The following LOXL3 variants were observed in gnomAD, a reference collection of about 807,000 sequenced individuals.
LOXL3 encodes the protein lysyl oxidase like 3.
In LOXL3, 60 loss-of-function variants were observed where a neutral mutation model predicts 91.8. The observed-to-expected ratio is 0.65, with a 90% CI of 0.53 to 0.81. The LOEUF is 0.81. LOXL3 is among the 30% of genes least tolerant of loss of function. The pLI is 0.00. For synonymous variants in LOXL3, 355 were observed against 387.6 expected (o/e 0.92, Z 0.99); for missense variants, 874 against 1,000.4 (o/e 0.87, Z 1.70).
In LOXL3 at chr2:74,549,596, C is replaced by T; in HGVS notation, c.478-13G>A. 3 of 1,595,862 alleles carry T rather than the reference C, an allele frequency of 1.9e-6. No homozygotes were observed. Among genetic ancestry groups the T allele is most frequent in the South Asian group, 2.2e-5 (2 of 89,694 alleles). The stretch of plus-strand genomic sequence containing the variant: ...GGTGATGCTCTACCTGGGGGCGGGG[C>T]CACAAGCAGGGAAAGAATCCCAGTG... On this transcript the variant is annotated splice_polypyrimidine_tract_variant and intron_variant, in intron 3 of 13. Transcript: ENST00000264094. This position sits in a 1 kb window ranked among gnomAD's most constrained non-coding sequence, Gnocchi z 5.3.
chr2:74,552,729 A>C, intron 1 of LOXL3, 83 bp from the exon 2 acceptor site: 1 of 1,222,006 alleles, frequency 8.2e-7, no homozygotes, highest in Non-Finnish European at 1.1e-6. Context: ...GAAGTCACGA[A>C]AGAAAAACAG....
In LOXL3 at chr2:74,534,791, AG is replaced by A; in HGVS notation, c.1580-18del. ...CTGATGCAGCTGCACCAAGAAAGGA[AG>A]GGGGTGTTAGAAGTCACTGCTGACT... On this transcript the variant is annotated intron_variant, in intron 9 of 13. Coordinates refer to ENST00000264094, the MANE Select transcript of LOXL3 (RefSeq NM_032603.5). The A allele has an allele frequency of 6.2e-7, 1 of 1,605,862 alleles. No homozygotes were observed. Among genetic ancestry groups the A allele is most frequent in the Admixed American group, 1.7e-5 (1 of 59,912 alleles).
chr2:74,554,246 GC>G, upstream of LOXL3: 1 of 155,978 alleles, frequency 6.4e-6, no homozygotes. This position sits in a 1 kb window ranked among gnomAD's most constrained non-coding sequence, Gnocchi z 4.9. Context: ...CGGCGGGGCG[GC>G]CCCGGTGGTG....
rs182997500 is a variant in LOXL3, at chr2:74,537,157, G to A, written c.693-229C>T. Among the ~76,000 whole-genome samples the A allele has an allele frequency of 8.5e-5, 13 of 152,328 alleles. No homozygotes were observed. In the East Asian group the frequency reaches 1.4e-3, roughly 16 times the overall value. ...ATAGGAGGGGCCTTGGGGACCTCCT[G>A]CAGTAGAACAACCTTAAGAGAAGGA... On this transcript the variant is annotated intron_variant, in intron 4 of 13. Transcript: ENST00000264094.
intron 2 of LOXL3, 135 bp from the exon 3 acceptor site, chr2:74,550,483 T>G: frequency 1.1e-6 from 1 of 950,184 alleles, no homozygotes; most frequent in South Asian, 1.7e-5. Context: ...TGATAAGGGG[T>G]GGAGACGGGA....
In LOXL3 at chr2:74,532,297, T is replaced by G. The variant is rs1458472361; in HGVS notation, c.*1309A>C. On this transcript the variant is annotated 3_prime_UTR_variant, in exon 14 of 14. Transcript: ENST00000264094. ...GTTTTTTATTTATGCTGTTCTTGTTTTATATGGTTAATATCAGATCCATCC... is the reference window on the plus strand; with the variant it reads ...GTTTTTTATTTATGCTGTTCTTGTTGTATATGGTTAATATCAGATCCATCC... The G allele has an allele frequency of 6.3e-6, 3 of 476,692 alleles. No homozygotes were observed. The highest frequency in any genetic ancestry group is 5.9e-5 in the African/African-American group (3 of 51,130). 29.5% of individuals were successfully genotyped at this position (476,692 alleles called of 1,614,324 possible). A position where few individuals can be genotyped will look rare whatever the true frequency, so the allele number is the denominator to read the frequency against.
At chr2:74,542,004 C>G (rs112214052) in intron 4 of LOXL3, among the ~76,000 whole-genome samples, 4,247 of 151,764 alleles carry the variant, frequency 0.028, 182 homozygotes, top group African/African-American at 0.097. Context: ...ACATAAAAAC[C>G]TATGTAGGCC....
chr2:74,554,749 G>T (rs1254490236), upstream of LOXL3: 1 of 1,612,206 alleles, frequency 6.2e-7, no homozygotes, highest in Non-Finnish European at 8.5e-7. This position sits in a 1 kb window ranked among gnomAD's most constrained non-coding sequence, Gnocchi z 4.9. Context: ...GGAACCGCCG[G>T]GGGCCATGGA....
rs1203038187 is a variant in LOXL3 at position 74,533,950 on chromosome 2, G to A, written c.2120C>T (p.Thr707Ile). The A allele has an allele frequency of 1.9e-6, 3 of 1,614,008 alleles. No individual in the cohort carries two copies. In the Admixed American group the frequency reaches 5.0e-5, roughly 27 times the overall value. ...PNFEVAESDF[T>I]NNAMKCNCKY... ...GCAGTTACATTTCATTGCATTGTTG[G>A]TAAAGTCACTCTCTGCTACTTCAAA... Residue 707 changes from threonine to isoleucine, a missense_variant, in exon 13 of 14, where the codon ACC (threonine) becomes ATC (isoleucine). Physicochemically the swap from Thr to Ile is moderately conservative, Grantham distance 89 (BLOSUM62 -1). Coordinates refer to ENST00000264094, the MANE Select transcript of LOXL3 (RefSeq NM_032603.5).
intron 4 of LOXL3, among the ~76,000 whole-genome samples, chr2:74,547,916 C>A (rs1260517151): frequency 3.9e-5 from 6 of 152,234 alleles, no homozygotes; most frequent in Middle Eastern, 3.4e-3. Flanking sequence ...TGGATTTTAT[C>A]AAAAACTAAC....
At chr2:74,538,588 C>A (rs563254249) in intron 4 of LOXL3, among the ~76,000 whole-genome samples, 80 of 152,284 alleles carry the variant, frequency 5.3e-4, no homozygotes, top group African/African-American at 1.7e-3. Flanking sequence ...AATTAGGGAA[C>A]TGGGAGCCTA....
At chr2:74,554,526 T>A, upstream of LOXL3, 1 of 572,334 alleles carries the variant, frequency 1.7e-6, no homozygotes, top group South Asian at 2.1e-5. This position sits in a 1 kb window ranked among gnomAD's most constrained non-coding sequence, Gnocchi z 4.9. Context: ...GTGGAGCCAC[T>A]GGCGCGCCCC....
chr2:74,553,492 C>T (rs573887695), intron 1 of LOXL3, among the ~76,000 whole-genome samples: 14 of 152,318 alleles, frequency 9.2e-5, no homozygotes, highest in Admixed American at 3.3e-4. Context: ...AGGCCAGGCG[C>T]TATGGCTCCT....
At chr2:74,545,714 C>T (rs1455559024) in intron 4 of LOXL3, among the ~76,000 whole-genome samples, 2 of 152,158 alleles carry the variant, frequency 1.3e-5, no homozygotes, top group East Asian at 3.8e-4. Flanking sequence ...GGTTTTCTTC[C>T]TACCTCACCT....
upstream of LOXL3, chr2:74,554,714 C>A (rs1370701971): frequency 5.6e-6 from 9 of 1,603,566 alleles, no homozygotes; most frequent in Non-Finnish European, 6.0e-6. This position sits in a 1 kb window ranked among gnomAD's most constrained non-coding sequence, Gnocchi z 4.9. Flanking sequence ...CCCCGCCTCC[C>A]GCCGCAGGGC....
Position 74,536,943 on chromosome 2 carries a change from G to T in LOXL3, c.693-15C>A, listed in dbSNP as rs191444879. 154 of 1,609,758 alleles carry T rather than the reference G, an allele frequency of 9.6e-5. No homozygotes were observed. The African/African-American group carries it at 1.7e-3, about 18-fold the overall frequency. On this transcript the variant is annotated splice_polypyrimidine_tract_variant and intron_variant, in intron 4 of 13. Coordinates refer to ENST00000264094, the MANE Select transcript of LOXL3 (RefSeq NM_032603.5). The surrounding 1 kb of genome is among the most constrained non-coding windows in gnomAD (Gnocchi z 4.5). ...GGGCTAGCAGCCTAGGGGGACAGGA[G>T]TGAGGTGCAGTAGGGTAAAACAATG...
chr2:74,538,146 G>A (rs1676129531), intron 4 of LOXL3, among the ~76,000 whole-genome samples: 1 of 152,322 alleles, frequency 6.6e-6, no homozygotes, highest in Non-Finnish European at 1.5e-5. Flanking sequence ...TTGGCTGAAA[G>A]TAAAAGTCAA....
Position 74,534,705 on chromosome 2 carries a change from T to C in LOXL3, c.1649A>G (p.His550Arg), listed in dbSNP as rs748343116. The C allele has an allele frequency of 3.7e-6, 6 of 1,614,142 alleles. No homozygotes were observed. The Admixed American group carries it at 1.0e-4, about 27-fold the overall frequency. Reference sequence around the variant, plus strand: ...CTCTTCCGCAGCACAGTACAACATATGCAGGGGCCGGTCTTCGATGTAGGC... The same window carrying C: ...CTCTTCCGCAGCACAGTACAACATACGCAGGGGCCGGTCTTCGATGTAGGC... ...ETAYIEDRPLHMLYCAAEENC... is the reference protein window; with the variant it reads ...ETAYIEDRPLRMLYCAAEENC... Residue 550 changes from histidine to arginine, a missense_variant, in exon 10 of 14, where the codon CAT becomes CGT. Coordinates refer to ENST00000264094, the MANE Select transcript of LOXL3 (RefSeq NM_032603.5).
Position 74,533,061 on chromosome 2 carries a change from G to A in LOXL3, c.*545C>T, listed in dbSNP as rs1477297498. ...CTGGCTGAGGTTCTGAGGGCACCGA[G>A]ACAGAGGGTTAAATGAACCAGTGGG... On this transcript the variant is annotated 3_prime_UTR_variant, in exon 14 of 14. Coordinates refer to ENST00000264094, the MANE Select transcript of LOXL3 (RefSeq NM_032603.5). 6.9e-7 allele frequency: 1 copy of A among 1,453,672 alleles called. No homozygotes were observed. 90.0% of individuals were successfully genotyped at this position (1,453,672 alleles called of 1,614,324 possible).
Sources: gnomAD v4.1 joint callset for allele counts (sites outside exome capture counted in the v4.1 genomes callset) on GRCh38, gnomAD v4.1.1 for gene constraint, Gnocchi (gnomAD v3.1) non-coding constraint, MANE v1.5 for transcripts, NCBI Gene and HGNC (gene_info 2026-07-23, HGNC 2026-07-21) for gene names.